USP47: variants seen among roughly 807,000 people sequenced by gnomAD.
USP47 encodes the protein ubiquitin carboxyl-terminal hydrolase 47.
USP47 carries 35 observed loss-of-function variants against 165.1 expected under a neutral mutation model. That is an observed-to-expected ratio of 0.21 (90% CI 0.16 to 0.28). The LOEUF (loss-of-function observed/expected upper bound fraction) is 0.28, where lower values mean the gene tolerates loss of function less well. Among genes scored for constraint, USP47 ranks in the 10% least tolerant of loss-of-function variants. The pLI is 1.00. For synonymous variants in USP47, 531 were observed against 544.5 expected (o/e 0.98, Z 0.35); for missense variants, 1,277 against 1,607.4 (o/e 0.79, Z 3.52).
chr11:11,920,641 T>C (rs1395643917), intron 10 of USP47, 147 bp downstream of exon 10: 1 of 650,518 alleles, frequency 1.5e-6, no homozygotes, highest in Non-Finnish European at 2.3e-6. Flanking sequence ...TAATGTGGAA[T>C]TCAATAAAAT....
At chr11:11,918,365 A>T (rs1215283153) in intron 8 of USP47, among the ~76,000 whole-genome samples, 2 of 152,134 alleles carry the variant, frequency 1.3e-5, no homozygotes, top group Non-Finnish European at 2.9e-5. Flanking sequence ...TGGCCTTGAG[A>T]CAGATTGTGT....
rs1043443356 is a variant in USP47, at chr11:11,954,816, G to T, written c.3715-81G>T. 22 of 1,485,648 alleles carry T rather than the reference G, an allele frequency of 1.5e-5. No homozygotes were observed. In the East Asian group the frequency reaches 3.0e-4, roughly 20 times the overall value. The allele number at this position is 1,485,648 out of a possible 1,614,324, so 92.0% of individuals were successfully genotyped here. On this transcript the variant is annotated intron_variant, in intron 25 of 27. Transcript: ENST00000527733. ...ACATTTTTTAAACTGAGCTATTTCT[G>T]TTTGTGGGGTAAAAGGAAAATAACT...
At chr11:11,954,810 A>G (rs1856459710) in intron 25 of USP47, 87 bp from the exon 26 acceptor site, 1 of 1,453,324 alleles carries the variant, frequency 6.9e-7, no homozygotes, top group Non-Finnish European at 9.4e-7. Flanking sequence ...AAACTGAGCT[A>G]TTTCTGTTTG....
At chr11:11,949,788 A>G (rs1856094178) in intron 22 of USP47, 101 bp from the exon 23 acceptor site, 1 of 749,266 alleles carries the variant, frequency 1.3e-6, no homozygotes, top group Admixed American at 3.1e-5. Context: ...TCAGGCCCTT[A>G]ATTGCAAATA....
At chr11:11,949,447 C>T (rs993515891) in intron 22 of USP47, among the ~76,000 whole-genome samples, 2 of 151,844 alleles carry the variant, frequency 1.3e-5, no homozygotes, top group African/African-American at 4.8e-5. Flanking sequence ...TTAATGTGAC[C>T]CATTACAGTC....
intron 10 of USP47, 130 bp from the exon 11 acceptor site, chr11:11,922,594 A>T: frequency 1.5e-6 from 1 of 658,024 alleles, no homozygotes; most frequent in Non-Finnish European, 2.3e-6. Flanking sequence ...AAATAAATGT[A>T]CTCAAAGTAA....
intron 27 of USP47, among the ~76,000 whole-genome samples, chr11:11,955,621 G>C (rs1220453120): frequency 3.3e-5 from 5 of 152,142 alleles, no homozygotes; most frequent in African/African-American, 1.2e-4. Context: ...TCACAAATCT[G>C]GGTTCAAAAC....
chr11:11,955,676 A>G (rs1309069648), intron 27 of USP47, among the ~76,000 whole-genome samples: 2 of 152,248 alleles, frequency 1.3e-5, no homozygotes, highest in Non-Finnish European at 2.9e-5. Context: ...AATTGCAACA[A>G]TGATGTCTAC....
chr11:11,911,344 G>A (rs1316624610), intron 8 of USP47, among the ~76,000 whole-genome samples: 3 of 152,030 alleles, frequency 2.0e-5, no homozygotes, highest in Non-Finnish European at 4.4e-5. Context: ...AAGAAGGCAG[G>A]CACAAAGAAA....
chr11:11,842,283 C>A (rs1447006626), intron 1 of USP47, 59 bp downstream of exon 1: 21 of 1,527,804 alleles, frequency 1.4e-5, no homozygotes, highest in Non-Finnish European at 1.7e-5. Context: ...GCAACACAGG[C>A]CCGGGCCGGG....
In USP47 at chr11:11,880,216, A is replaced by G. The variant is rs1457846468; in HGVS notation, c.79A>G (p.Ile27Val). 2.7e-6 allele frequency: 4 copies of G among 1,471,304 alleles called. No homozygotes were observed. The highest frequency in any genetic ancestry group is 3.6e-6 in the Non-Finnish European group (4 of 1,122,660). 91.1% of individuals were successfully genotyped at this position (1,471,304 alleles called of 1,614,324 possible). A position where few individuals can be genotyped will look rare whatever the true frequency, so the allele number is the denominator to read the frequency against. ...AAEEPRVLCI[I>V]QDTTNSKTVN... ...TGAAGAACCTAGAGTCTTATGTATT[A>G]TACAAGATACTACTAATTCAAAGAC... The change falls in exon 2 of 28, where the codon ATA becomes GTA. Residue 27 changes from isoleucine (I) to valine (V), a missense_variant. Around this residue, in one of 4 missense-constraint regions of USP47, gnomAD observed 181 missense variants for 194.7 expected, o/e 0.93. Coordinates refer to ENST00000527733, the MANE Select transcript of USP47 (RefSeq NM_001282659.2).
chr11:11,848,640 C>T (rs1848558374), intron 1 of USP47, among the ~76,000 whole-genome samples: 1 of 139,098 alleles, frequency 7.2e-6, no homozygotes, highest in African/African-American at 2.7e-5. Flanking sequence ...GACGGAGTCT[C>T]ACTCTGTCAC....
In USP47 at chr11:11,903,276, T is replaced by C; in HGVS notation, c.753T>C (p.His251=). 6.2e-7 allele frequency: 1 copy of C among 1,609,772 alleles called. No homozygotes were observed. The highest frequency in any genetic ancestry group is 8.5e-7 in the Non-Finnish European group (1 of 1,177,780). ...ATCTTAAAACAGCTTGGCAGCAGCA[T>C]GATGTACAAGAACTATGCAGAGTCA... ...GWDSSEAWQQ[H]DVQELCRVMF... The change falls in exon 7 of 28, where the codon CAT becomes CAC. Residue 251 remains histidine, a synonymous_variant. Transcript: ENST00000527733.
chr11:11,933,730 T>C, intron 15 of USP47, 101 bp from the exon 16 acceptor site: 1 of 769,230 alleles, frequency 1.3e-6, no homozygotes, highest in Non-Finnish European at 2.1e-6. Flanking sequence ...TTATGTTCTT[T>C]TAAAAAATTG....
intron 27 of USP47, 108 bp downstream of exon 27, chr11:11,955,272 A>AAT: frequency 1.5e-6 from 2 of 1,341,054 alleles, no homozygotes; most frequent in Non-Finnish European, 2.0e-6. Context: ...GAGCGGCACT[A>AAT]ACCGGTAGAA....
chr11:11,959,670 A>G lies in USP47; in HGVS notation c.*3495A>G, dbSNP rs1206070138. On this transcript the variant is annotated 3_prime_UTR_variant, in exon 28 of 28. Coordinates refer to ENST00000527733, the MANE Select transcript of USP47 (RefSeq NM_001282659.2). ...AGCATGCATTGGAGCATGTGTTACT[A>G]TTTAGAAAAGAGTGCAGCCATCAGT... Among the ~76,000 whole-genome samples the G allele has an allele frequency of 2.0e-5, 3 of 152,228 alleles. No individual in the cohort carries two copies. Among genetic ancestry groups the G allele is most frequent in the African/African-American group, 7.2e-5 (3 of 41,454 alleles).
At chr11:11,876,162 C>T (rs113495513) in intron 1 of USP47, among the ~76,000 whole-genome samples, 5 of 152,152 alleles carry the variant, frequency 3.3e-5, no homozygotes, top group Admixed American at 1.3e-4. Flanking sequence ...CTTCAAATAG[C>T]GCATCTAAAC....
chr11:11,863,343 T>G (rs1035066693), intron 1 of USP47, among the ~76,000 whole-genome samples: 3 of 152,196 alleles, frequency 2.0e-5, no homozygotes, highest in African/African-American at 7.2e-5. Flanking sequence ...GGCTAAAAAA[T>G]TATAACTTGA....
chr11:11,874,271 T>C (rs1349650402), intron 1 of USP47, among the ~76,000 whole-genome samples: 1 of 152,220 alleles, frequency 6.6e-6, no homozygotes, highest in Admixed American at 6.5e-5. Flanking sequence ...CCATGTGATG[T>C]AGCATTCTGG....
Sources: allele counts gnomAD v4.1 joint callset (sites outside exome capture counted in the v4.1 genomes callset), GRCh38; gene constraint gnomAD v4.1.1; regional missense constraint gnomAD v4.1.1; transcripts MANE v1.5; gene names NCBI Gene and HGNC (gene_info 2026-07-23, HGNC 2026-07-21).